GSE1: variants seen among roughly 807,000 people sequenced by gnomAD.
GSE1 encodes the protein Gse1 coiled-coil protein.
Under a neutral mutation model 112.6 loss-of-function variants are expected in GSE1, and 32 were observed. The ratio of observed to expected loss-of-function variants is 0.28; its 90% CI spans 0.21 to 0.38. The LOEUF (loss-of-function observed/expected upper bound fraction) is 0.38, where lower values mean the gene tolerates loss of function less well. GSE1 is among the 10% of genes least tolerant of loss of function. The probability of loss-of-function intolerance (pLI) is 1.00; values close to 1 mark genes in which losing one functional copy is unlikely to be tolerated. For missense variants in GSE1, 2,348 were observed against 1,699.2 expected (o/e 1.38, Z -6.71); for synonymous variants, 1,115 against 735.6 (o/e 1.52, Z -8.35).
chr16:85,257,831 G>C (rs1347778474), intron 1 of GSE1, among the ~76,000 whole-genome samples: 1 of 152,194 alleles, frequency 6.6e-6, no homozygotes, highest in Non-Finnish European at 1.5e-5. Flanking sequence ...GAAAAGGAGA[G>C]AAGAGACTAG....
intron 2 of GSE1, among the ~76,000 whole-genome samples, chr16:85,521,671 G>A (rs1259577354): frequency 6.6e-6 from 1 of 152,236 alleles, no homozygotes; most frequent in African/African-American, 2.4e-5. Context: ...CTCTGCATCT[G>A]AGTAGCGGCT....
chr16:85,376,376 G>A (rs2047420494), intron 2 of GSE1, among the ~76,000 whole-genome samples: 1 of 152,218 alleles, frequency 6.6e-6, no homozygotes, highest in Non-Finnish European at 1.5e-5. Flanking sequence ...TGCAACTGTT[G>A]GAACCCTGCC....
intron 2 of GSE1, among the ~76,000 whole-genome samples, chr16:85,428,791 G>A (rs1045911292): frequency 1.8e-4 from 28 of 152,264 alleles, no homozygotes; most frequent in African/African-American, 6.7e-4. Context: ...GGGTGGGAGC[G>A]GGCTGGGGGA....
rs2046973844 is a variant in GSE1, at chr16:85,357,494, C to T, written c.2315C>T (p.Ala772Val). The change falls in exon 2 of 3, where the codon GCC (alanine) becomes GTC (valine). Residue 772 changes from alanine to valine, a missense_variant. By Grantham distance (64) the Ala-to-Val change is moderately conservative. Transcript: ENST00000637419. ...TGTGGATCTCTGGAAGCATCTGCAGCCAGCCACCCTCCCACCCGGGAGTCC... is the reference window on the plus strand; with the variant it reads ...TGTGGATCTCTGGAAGCATCTGCAGTCAGCCACCCTCCCACCCGGGAGTCC... 13 of 1,252,734 alleles carry T rather than the reference C, an allele frequency of 1.0e-5. No homozygotes were observed. The South Asian group carries it at 1.6e-4, about 15-fold the overall frequency. 77.6% of individuals were successfully genotyped at this position (1,252,734 alleles called of 1,614,324 possible). A position where few individuals can be genotyped will look rare whatever the true frequency, so the allele number is the denominator to read the frequency against.
At chr16:85,254,443 C>T (rs1278432266) in intron 1 of GSE1, among the ~76,000 whole-genome samples, 1 of 152,218 alleles carries the variant, frequency 6.6e-6, no homozygotes, top group African/African-American at 2.4e-5. Flanking sequence ...GTACTCAGCA[C>T]ATATGCTGGT....
chr16:85,656,460 CGAGCAAGAGAAGGAGCGT>C lies in GSE1; in HGVS notation c.1112_1129del (p.Gln371_Glu376del), dbSNP rs2051957944. The C allele has an allele frequency of 1.3e-6, 2 of 1,539,446 alleles. No individual in the cohort carries two copies. Among genetic ancestry groups the C allele is most frequent in the Non-Finnish European group, 8.8e-7 (1 of 1,134,986 alleles). ...GTGAGCGCGAACGCGAGAAGGAGCGCGAGCAAGAGAAGGAGCGTGAGCGTGAGAAGGAGCGCGAGCGCG... is the reference window on the plus strand; with the variant it reads ...GTGAGCGCGAACGCGAGAAGGAGCGCGAGCGTGAGAAGGAGCGCGAGCGCG... On this transcript the variant is annotated inframe_deletion, in exon 7 of 16. Coordinates refer to ENST00000253458, the MANE Select transcript of GSE1 (RefSeq NM_014615.5).
At chr16:85,635,311 G>A (rs115346799) in intron 2 of GSE1, among the ~76,000 whole-genome samples, 439 of 152,262 alleles carry the variant, frequency 2.9e-3, no homozygotes, top group South Asian at 0.011. Context: ...GCAGCCCCTC[G>A]CCTCCTGGCT....
intron 1 of GSE1, among the ~76,000 whole-genome samples, chr16:85,344,764 TGA>T (rs1334879468): frequency 6.6e-6 from 1 of 152,230 alleles, no homozygotes; most frequent in Non-Finnish European, 1.5e-5. Context: ...CAGGCAAGGC[TGA>T]GTCTATGCCC....
rs2051705789 is a variant in GSE1 at position 85,654,265 on chromosome 16, TCTC to T, written c.427-8_427-6del. 6.3e-7 allele frequency: 1 copy of T among 1,581,000 alleles called. No individual in the cohort carries two copies. ...CCAGGCTCCTGCCCTGACTGGACGC[TCTC>T]CTCCCGCAGGATGCCGGCTCCAGGA... On this transcript the variant is annotated splice_polypyrimidine_tract_variant and intron_variant, in intron 3 of 15. Coordinates refer to ENST00000253458, the MANE Select transcript of GSE1 (RefSeq NM_014615.5).
At chr16:85,512,353 G>C (rs1024910334) in intron 2 of GSE1, among the ~76,000 whole-genome samples, 4 of 152,192 alleles carry the variant, frequency 2.6e-5, no homozygotes, top group African/African-American at 9.7e-5. Context: ...TCGGGCCCCA[G>C]GACAGCGTCT....
At chr16:85,344,951 G>A (rs1597447070) in intron 1 of GSE1, among the ~76,000 whole-genome samples, 1 of 152,228 alleles carries the variant, frequency 6.6e-6, no homozygotes, top group Non-Finnish European at 1.5e-5. Context: ...TGCCCTCACC[G>A]TGGCTCACAG....
chr16:85,508,638 C>T (rs2051624925), intron 2 of GSE1, among the ~76,000 whole-genome samples: 1 of 152,182 alleles, frequency 6.6e-6, no homozygotes, highest in African/African-American at 2.4e-5. Flanking sequence ...GGGGAGGTGC[C>T]TCGTGGACAC....
chr16:85,537,354 GGGGGATCTCTGCCCCGCTCCTGGGAGCTC>G (rs1290957595), intron 2 of GSE1, among the ~76,000 whole-genome samples: 1 of 152,162 alleles, frequency 6.6e-6, no homozygotes, highest in Non-Finnish European at 1.5e-5. Flanking sequence ...AGTGGAGACA[GGGGGATCTCTGCCCCGCTCCTGGGAGCTC>G]GGTGACTCCT....
At chr16:85,573,705 C>T (rs1014132465) in intron 1 of GSE1, among the ~76,000 whole-genome samples, 1 of 152,168 alleles carries the variant, frequency 6.6e-6, no homozygotes, top group Non-Finnish European at 1.5e-5. Context: ...ACAGTGGGCG[C>T]GTCCGGAGGG....
At chr16:85,398,607 C>T (rs767305595) in intron 2 of GSE1, among the ~76,000 whole-genome samples, 14 of 152,216 alleles carry the variant, frequency 9.2e-5, no homozygotes, top group African/African-American at 1.7e-4. Flanking sequence ...CCGCATAATC[C>T]GACAAACCGC....
intron 2 of GSE1, among the ~76,000 whole-genome samples, chr16:85,497,140 C>G (rs992261660): frequency 6.6e-6 from 1 of 152,182 alleles, no homozygotes; most frequent in Non-Finnish European, 1.5e-5. Flanking sequence ...CTCAGGTGAT[C>G]CACCCGCCTC....
rs150945936 is a variant in GSE1 at position 85,358,041 on chromosome 16, C to T, written c.2464+398C>T. Among the ~76,000 whole-genome samples the T allele has an allele frequency of 3.3e-4, 50 of 152,228 alleles. 1 individual carries two copies. Among genetic ancestry groups the T allele is most frequent in the African/African-American group, 1.0e-3 (42 of 41,524 alleles). On this transcript the variant is annotated intron_variant, in intron 2 of 2. Coordinates refer to the GSE1 transcript ENST00000637419. ...ACACTGTGTCCCAGGTGCACGTGTGCGCTTCTCTTGGGCTGGGCCACGGGG... is the reference window on the plus strand; with the variant it reads ...ACACTGTGTCCCAGGTGCACGTGTGTGCTTCTCTTGGGCTGGGCCACGGGG...
chr16:85,577,269 C>T (rs72801174), intron 1 of GSE1, among the ~76,000 whole-genome samples: 1 of 152,278 alleles, frequency 6.6e-6, no homozygotes, highest in Non-Finnish European at 1.5e-5. Flanking sequence ...GTGGAGGTGC[C>T]CAGCCTGCCC....
intron 1 of GSE1, among the ~76,000 whole-genome samples, chr16:85,560,184 C>T (rs1241817309): frequency 7.8e-6 from 1 of 128,634 alleles, no homozygotes; most frequent in East Asian, 2.3e-4. Flanking sequence ...TTGCCAGGCT[C>T]GAGTGCAATG....
Sources: gnomAD v4.1 joint callset for allele counts (sites outside exome capture counted in the v4.1 genomes callset) on GRCh38, gnomAD v4.1.1 for gene constraint, MANE v1.5 for transcripts, NCBI Gene and HGNC (gene_info 2026-07-23, HGNC 2026-07-21) for gene names.